Variants in CC2D2B observed in about 807,000 individuals in gnomAD.
CC2D2B encodes the protein coiled-coil and C2 domain containing 2B, also known as protein CC2D2B.
CC2D2B carries 128 observed loss-of-function variants against 161.2 expected under a neutral mutation model. That is an observed-to-expected ratio of 0.79 (90% CI 0.69 to 0.92). The LOEUF is 0.92. CC2D2B is among the 40% of genes least tolerant of loss of function. The pLI, the probability that CC2D2B is intolerant of heterozygous loss-of-function variation, is 0.00. For missense variants in CC2D2B, 1,173 were observed against 1,375.1 expected (o/e 0.85, Z 2.32); for synonymous variants, 391 against 449.8 (o/e 0.87, Z 1.65).
Position 95,983,698 on chromosome 10 carries a change from A to G in CC2D2B, c.2175A>G (p.Ala725=). ...ACTTCGTTTCTGAAGAGGAAATGGC[A>G]AAGAGTAAACGTTTCCAGCTATTGC... ...EFNFVSEEEM[A]KSKRFQLLQL... Residue 725 remains alanine (A), a synonymous_variant, in exon 19 of 35, where the codon GCA becomes GCG. Transcript: ENST00000646931. 8.1e-7 allele frequency: 1 copy of G among 1,231,184 alleles called. No homozygotes were observed. The highest frequency in any genetic ancestry group is 1.0e-6 in the Non-Finnish European group (1 of 987,158). 76.3% of individuals were successfully genotyped at this position (1,231,184 alleles called of 1,614,324 possible). A position where few individuals can be genotyped will look rare whatever the true frequency, so the allele number is the denominator to read the frequency against.
At chr10:95,922,861 G>A (rs1188983779) in intron 3 of CC2D2B, among the ~76,000 whole-genome samples, 1 of 151,886 alleles carries the variant, frequency 6.6e-6, no homozygotes, top group Non-Finnish European at 1.5e-5. Context: ...GTGAAGTAGT[G>A]CGATCATAGC....
At chr10:95,994,447 G>A (rs546956380) in intron 22 of CC2D2B, among the ~76,000 whole-genome samples, 14 of 152,352 alleles carry the variant, frequency 9.2e-5, no homozygotes, top group Non-Finnish European at 1.2e-4. Context: ...GACAAGGAGC[G>A]TGACCATTGA....
Position 95,922,011 on chromosome 10 carries a change from TGCAGA to T in CC2D2B, c.37-4_37del. ...CAAGTTTAACCCTCCCTGCTTTTTT[TGCAGA>T]TGTCAGAAGAGATGGATAATATTAC... is the stretch of plus-strand genomic sequence containing the variant. On this transcript the variant is annotated splice_acceptor_variant and splice_polypyrimidine_tract_variant and coding_sequence_variant and intron_variant, in exon 3 of 35. Coordinates refer to ENST00000646931, the MANE Select transcript of CC2D2B (RefSeq NM_001349008.3). LOFTEE classifies it high-confidence loss of function. 1 of 1,518,136 alleles carries T rather than the reference TGCAGA, an allele frequency of 6.6e-7. No homozygotes were observed. Among genetic ancestry groups the T allele is most frequent in the Non-Finnish European group, 8.9e-7 (1 of 1,127,840 alleles). The allele number at this position is 1,518,136 out of a possible 1,614,324, so 94.0% of individuals were successfully genotyped here. A position where few individuals can be genotyped will look rare whatever the true frequency, so the allele number is the denominator to read the frequency against.
At chr10:96,024,713 T>C (rs2079617573) in intron 32 of CC2D2B, 140 bp from the exon 33 acceptor site, 1 of 493,542 alleles carries the variant, frequency 2.0e-6, no homozygotes, top group Non-Finnish European at 3.8e-6. Flanking sequence ...TGCTGTGGTC[T>C]GCATGTTACC....
chr10:95,999,765 T>TTAA, intron 24 of CC2D2B: 1 of 234,076 alleles, frequency 4.3e-6, no homozygotes, highest in Non-Finnish European at 8.3e-6. Context: ...TTTTTTTTTT[T>TTAA]AACACCAATT....
At chr10:95,939,495 A>G (rs1487291691) in intron 9 of CC2D2B, among the ~76,000 whole-genome samples, 4 of 151,732 alleles carry the variant, frequency 2.6e-5, no homozygotes, top group Non-Finnish European at 5.9e-5. Context: ...TTCTGTTGGT[A>G]AATATCTCAG....
At chr10:95,999,826 T>A (rs2015026) in intron 24 of CC2D2B, 1 of 446,872 alleles carries the variant, frequency 2.2e-6, no homozygotes, top group Non-Finnish European at 4.5e-6. Flanking sequence ...CTCCTTCCCA[T>A]TGGGTCTCAC....
intron 12 of CC2D2B, among the ~76,000 whole-genome samples, chr10:95,963,513 C>A (rs575595430): frequency 9.9e-5 from 15 of 152,132 alleles, no homozygotes; most frequent in African/African-American, 3.1e-4. Context: ...GTCTGTGACA[C>A]AGTAAATAAG....
chr10:95,963,973 T>C (rs751577895), intron 12 of CC2D2B, among the ~76,000 whole-genome samples: 3 of 152,120 alleles, frequency 2.0e-5, no homozygotes, highest in Non-Finnish European at 4.4e-5. Context: ...AGATGATAGA[T>C]TGTATTTTCT....
intron 2 of CC2D2B, among the ~76,000 whole-genome samples, chr10:95,915,873 T>C (rs1566306315): frequency 6.6e-6 from 1 of 152,328 alleles, no homozygotes; most frequent in East Asian, 1.9e-4. Flanking sequence ...CTTTTTTTGA[T>C]GTCACTTTGT....
At chr10:95,928,477 T>C (rs1460468599) in intron 6 of CC2D2B, among the ~76,000 whole-genome samples, 1 of 152,140 alleles carries the variant, frequency 6.6e-6, no homozygotes, top group Non-Finnish European at 1.5e-5. Context: ...GTTACATAGG[T>C]ATACAGGTGC....
chr10:95,981,998 G>C lies in CC2D2B; in HGVS notation c.1967G>C (p.Arg656Thr). The C allele has an allele frequency of 8.1e-7, 1 of 1,230,456 alleles. No individual in the cohort carries two copies. The highest frequency in any genetic ancestry group is 1.6e-5 in the African/African-American group (1 of 64,468). 76.2% of individuals were successfully genotyped at this position (1,230,456 alleles called of 1,614,324 possible). The change falls in exon 18 of 35, where the codon AGA becomes ACA. Residue 656 changes from arginine (R) to threonine (T), a missense_variant. Arg to Thr is a moderately conservative substitution (Grantham distance 71, BLOSUM62 -1). Transcript: ENST00000646931. Reference sequence around the variant, plus strand: ...AGTATGTTAAGGAATGTAGATGCAAGAAGTGTTCCTGGAATTCCATGGCTC... The same window carrying C: ...AGTATGTTAAGGAATGTAGATGCAACAAGTGTTCCTGGAATTCCATGGCTC... The part of the protein sequence containing the change: ...YCSMLRNVDA[R>T]SVPGIPWLMN...
At position 96,031,899 on chromosome 10, in the gene CC2D2B, C is replaced by G; in HGVS notation, c.4205C>G (p.Ser1402Cys). The G allele has an allele frequency of 6.2e-7, 1 of 1,613,194 alleles. No homozygotes were observed. Among genetic ancestry groups the G allele is most frequent in the Non-Finnish European group, 8.5e-7 (1 of 1,179,168 alleles). The change falls in exon 35 of 35, where the codon TCT (serine) becomes TGT (cysteine). Residue 1402 changes from serine to cysteine, a missense_variant. Physicochemically the swap from Ser to Cys is moderately radical, Grantham distance 112. Coordinates refer to ENST00000646931, the MANE Select transcript of CC2D2B (RefSeq NM_001349008.3). Reference sequence around the variant, plus strand: ...GCTGTTTATCAAACTGGAATTCACTCTGCTGAATTTCCCCAGACAGAATTT... The same window carrying G: ...GCTGTTTATCAAACTGGAATTCACTGTGCTGAATTTCCCCAGACAGAATTT... ...IDAVYQTGIH[S>C]AEFPQTEFAL...
intron 24 of CC2D2B, among the ~76,000 whole-genome samples, chr10:96,003,152 G>A (rs2078583709): frequency 6.6e-6 from 1 of 151,840 alleles, no homozygotes; most frequent in Non-Finnish European, 1.5e-5. Flanking sequence ...TAACTTCTGT[G>A]AGCTTCAGTT....
At chr10:95,915,909 G>T (rs2141123378) in intron 2 of CC2D2B, among the ~76,000 whole-genome samples, 1 of 151,972 alleles carries the variant, frequency 6.6e-6, no homozygotes, top group South Asian at 2.1e-4. Context: ...GGGTAATATT[G>T]GCCTTGTAGA....
intron 11 of CC2D2B, among the ~76,000 whole-genome samples, chr10:95,958,686 G>C (rs969706779): frequency 2.6e-5 from 4 of 152,026 alleles, no homozygotes; most frequent in Non-Finnish European, 5.9e-5. Context: ...ATAGGACAAT[G>C]TAAATCATTG....
At chr10:96,024,831 T>G in intron 32 of CC2D2B, 22 bp from the exon 33 acceptor site, 5 of 1,387,792 alleles carry the variant, frequency 3.6e-6, no homozygotes, top group Non-Finnish European at 5.0e-6. Flanking sequence ...GAATCTATTC[T>G]AACTTTGGTT....
chr10:95,916,559 A>G (rs1270755286), intron 2 of CC2D2B, among the ~76,000 whole-genome samples: 1 of 151,952 alleles, frequency 6.6e-6, no homozygotes, highest in Non-Finnish European at 1.5e-5. Context: ...TCCTCTTAGT[A>G]CTGCTTTTGC....
At chr10:95,977,929 G>A (rs2077377032) in intron 17 of CC2D2B, among the ~76,000 whole-genome samples, 2 of 152,178 alleles carry the variant, frequency 1.3e-5, no homozygotes, top group African/African-American at 4.8e-5. Flanking sequence ...AGGGAGAAAT[G>A]AGGAGTTATT....
Sources: allele counts gnomAD v4.1 joint callset (sites outside exome capture counted in the v4.1 genomes callset), GRCh38; gene constraint gnomAD v4.1.1; transcripts MANE v1.5; gene names NCBI Gene and HGNC (gene_info 2026-07-23, HGNC 2026-07-21).